The following POMZP3 variants were observed in gnomAD, a reference collection of about 807,000 sequenced individuals.
POMZP3 encodes the protein POM121 and ZP3 fusion, also known as POM121 and ZP3 fusion protein.
A neutral mutation model predicts 19.8 loss-of-function variants in POMZP3; 10 were observed. The ratio of observed to expected loss-of-function variants is 0.51; its 90% CI spans 0.31 to 0.86. The LOEUF (loss-of-function observed/expected upper bound fraction) is 0.86, where lower values mean the gene tolerates loss of function less well. Among genes scored for constraint, POMZP3 ranks in the 40% least tolerant of loss-of-function variants. POMZP3 has a pLI of 0.04. For synonymous variants in POMZP3, 57 were observed against 85.8 expected (o/e 0.66, Z 1.85); for missense variants, 152 against 228.1 (o/e 0.67, Z 2.15).
rs770004434 is a variant in POMZP3 at position 76,625,670 on chromosome 7, T to G, written c.79A>C (p.Ile27Leu). Residue 27 changes from isoleucine (I) to leucine (L), a missense_variant, in exon 3 of 7, where the codon ATC becomes CTC. Coordinates refer to ENST00000310842, the MANE Select transcript of POMZP3 (RefSeq NM_012230.5). The part of the protein sequence containing the change: ...FSRSAIPEQI[I>L]SSTLSSPSSN... ...GATGGTGAGGACAGTGTTGAGCTGA[T>G]TATCTGCTCTGGTCTATAATGAAAG... The G allele has an allele frequency of 3.0e-5, 48 of 1,613,766 alleles. No individual in the cohort carries two copies. The highest frequency in any genetic ancestry group is 3.7e-5 in the Non-Finnish European group (44 of 1,179,850).
At chr7:76,624,383 ACTT>A (rs1054086710) in intron 3 of POMZP3, among the ~76,000 whole-genome samples, 4 of 151,834 alleles carry the variant, frequency 2.6e-5, no homozygotes, top group African/African-American at 7.3e-5. Context: ...ACCCACTTCA[ACTT>A]CTTTTCTTTC....
intron 1 of POMZP3, 43 bp from the exon 2 acceptor site, chr7:76,626,258 G>A: frequency 1.3e-5 from 20 of 1,493,780 alleles, no homozygotes; most frequent in Non-Finnish European, 1.7e-5. Flanking sequence ...AAGTATAAAA[G>A]AATGTCAAAA....
rs1343729425 is a variant in POMZP3 at position 76,627,203 on chromosome 7, A to G, written c.-647T>C. ...GCCCCGGCCGGCCCTGACACTCGCT[A>G]TCGGCCGCCGCCGCTCGCCTGCTCC... On this transcript the variant is annotated 5_prime_UTR_variant, in exon 1 of 7. Transcript: ENST00000310842. The G allele has an allele frequency of 2.2e-5, 31 of 1,435,056 alleles. 4 individuals are homozygous for G. The highest frequency in any genetic ancestry group is 4.8e-4 in the Middle Eastern group (2 of 4,140). 88.9% of individuals were successfully genotyped at this position (1,435,056 alleles called of 1,614,324 possible). A position where few individuals can be genotyped will look rare whatever the true frequency, so the allele number is the denominator to read the frequency against.
At position 76,620,743 on chromosome 7, in the gene POMZP3, C is replaced by T. The variant is rs528208793; in HGVS notation, c.228-2443G>A. 3.3e-5 allele frequency among the ~76,000 whole-genome samples: 5 copies of T among 152,008 alleles called. No individual in the cohort carries two copies. The East Asian group carries it at 5.8e-4, about 18-fold the overall frequency. ...TCAGCCTCCCAAAGTGCAGGGATTA[C>T]AGGCGTGAGTCACCTGCCCAGATGG... On this transcript the variant is annotated intron_variant, in intron 3 of 6. Transcript: ENST00000310842.
Position 76,627,012 on chromosome 7 carries a change from C to T in POMZP3, c.-456G>A. 7.4e-7 allele frequency: 1 copy of T among 1,347,902 alleles called. No individual in the cohort carries two copies. The highest frequency in any genetic ancestry group is 9.7e-7 in the Non-Finnish European group (1 of 1,027,484). The allele number at this position is 1,347,902 out of a possible 1,614,324, so 83.5% of individuals were successfully genotyped here. A position where few individuals can be genotyped will look rare whatever the true frequency, so the allele number is the denominator to read the frequency against. ...CCGGAGGCGAAGCGAACAGTGTTCG[C>T]CGATGTCGCGCCTTCTGAACGAAGG... On this transcript the variant is annotated 5_prime_UTR_variant, in exon 1 of 7. Transcript: ENST00000310842.
At chr7:76,618,873 G>A (rs28656918) in intron 3 of POMZP3, among the ~76,000 whole-genome samples, 14,145 of 151,616 alleles carry the variant, frequency 0.093, 742 homozygotes, top group Middle Eastern at 0.18. Context: ...CTGCAGCCTC[G>A]ACCTCCTGGG....
chr7:76,620,473 T>G (rs2116868583), intron 3 of POMZP3, among the ~76,000 whole-genome samples: 1 of 150,622 alleles, frequency 6.6e-6, no homozygotes, highest in Middle Eastern at 3.4e-3. Flanking sequence ...GGTGAGCCTT[T>G]TCTTTTGTTT....
chr7:76,623,914 G>A lies in POMZP3; in HGVS notation c.227+1608C>T, dbSNP rs1315562550. On this transcript the variant is annotated intron_variant, in intron 3 of 6. Coordinates refer to ENST00000310842, the MANE Select transcript of POMZP3 (RefSeq NM_012230.5). Reference sequence around the variant, plus strand: ...AATAAGAGCAATTTTGTTTAAGTTGGGGGTTATTTAAAGATTGTTTCAAAA... The same window carrying A: ...AATAAGAGCAATTTTGTTTAAGTTGAGGGTTATTTAAAGATTGTTTCAAAA... Among the ~76,000 whole-genome samples, 17 of 149,138 alleles carry A rather than the reference G, an allele frequency of 1.1e-4. No individual in the cohort carries two copies. The Admixed American group carries it at 1.1e-3, about 10-fold the overall frequency.
Position 76,611,707 on chromosome 7 carries a change from A to C in POMZP3, c.437+15T>G. ...GATTCAGTTTCTACTCCAGTCACGGAGCACCTGTCCTCACCTGTTGGAAGG... is the reference window on the plus strand; with the variant it reads ...GATTCAGTTTCTACTCCAGTCACGGCGCACCTGTCCTCACCTGTTGGAAGG... On this transcript the variant is annotated intron_variant, in intron 5 of 6. Coordinates refer to ENST00000310842, the MANE Select transcript of POMZP3 (RefSeq NM_012230.5). 1 of 1,457,130 alleles carries C rather than the reference A, an allele frequency of 6.9e-7. No individual in the cohort carries two copies. 90.3% of individuals were successfully genotyped at this position (1,457,130 alleles called of 1,614,324 possible). A position where few individuals can be genotyped will look rare whatever the true frequency, so the allele number is the denominator to read the frequency against.
At chr7:76,616,249 T>C (rs1815282584) in intron 4 of POMZP3, among the ~76,000 whole-genome samples, 1 of 126,854 alleles carries the variant, frequency 7.9e-6, no homozygotes, top group African/African-American at 3.2e-5. Context: ...CACCATTGCA[T>C]TCCAGCTTGG....
intron 4 of POMZP3, among the ~76,000 whole-genome samples, chr7:76,613,481 T>G: frequency 9.1e-6 from 1 of 110,372 alleles, no homozygotes; most frequent in African/African-American, 3.0e-5. Flanking sequence ...AATAGTCAAC[T>G]ACCCTGTAAG....
At position 76,621,736 on chromosome 7, in the gene POMZP3, C is replaced by T. The variant is rs573697386; in HGVS notation, c.228-3436G>A. Among the ~76,000 whole-genome samples the T allele has an allele frequency of 9.9e-5, 15 of 151,580 alleles. No homozygotes were observed. In the East Asian group the frequency reaches 2.9e-3, roughly 30 times the overall value. The stretch of plus-strand genomic sequence containing the variant: ...CGGGCGGATCACGAGGTCAGGAGAT[C>T]GAGACCATCCTGGCTAACACGGTGA... On this transcript the variant is annotated intron_variant, in intron 3 of 6. Coordinates refer to ENST00000310842, the MANE Select transcript of POMZP3 (RefSeq NM_012230.5).
At chr7:76,616,503 A>G (rs1171146234) in intron 4 of POMZP3, among the ~76,000 whole-genome samples, 1 of 100,954 alleles carries the variant, frequency 9.9e-6, no homozygotes, top group East Asian at 2.5e-4. Context: ...TACTTTAATC[A>G]CTTCCTAACC....
chr7:76,621,077 G>A (rs2116870979), intron 3 of POMZP3: 1 of 148,972 alleles, frequency 6.7e-6, no homozygotes, highest in Non-Finnish European at 1.5e-5. Context: ...GTTTCACCAT[G>A]TTGGCTGCAA....
At chr7:76,618,983 T>TCA (rs1244921616) in intron 3 of POMZP3, among the ~76,000 whole-genome samples, 1 of 152,102 alleles carries the variant, frequency 6.6e-6, no homozygotes, top group African/African-American at 2.4e-5. Flanking sequence ...AGATAGGGTC[T>TCA]CACCATATTG....
chr7:76,620,120 C>A (rs1815470776), intron 3 of POMZP3, among the ~76,000 whole-genome samples: 1 of 72,516 alleles, frequency 1.4e-5, no homozygotes. Context: ...CAAGACCATC[C>A]TGGCTAACAT....
intron 4 of POMZP3, among the ~76,000 whole-genome samples, chr7:76,616,156 C>T (rs1474472943): frequency 2.9e-5 from 4 of 135,912 alleles, no homozygotes; most frequent in African/African-American, 8.3e-5. Context: ...TGGTGGCAGG[C>T]GCCTGCAATC....
At chr7:76,625,443 A>G in intron 3 of POMZP3, 79 bp downstream of exon 3, 1 of 1,598,820 alleles carries the variant, frequency 6.3e-7, no homozygotes, top group East Asian at 2.2e-5. Flanking sequence ...TGGCCTCTGT[A>G]TCTTTACGGG....
intron 6 of POMZP3, among the ~76,000 whole-genome samples, 154 bp from the exon 7 acceptor site, chr7:76,610,369 G>A (rs914943672): frequency 1.6e-4 from 25 of 152,056 alleles, no homozygotes; most frequent in East Asian, 1.9e-4. Context: ...CAGCTTTCTC[G>A]GCCAGGTGTG....
Sources: gnomAD v4.1 joint callset for allele counts (sites outside exome capture counted in the v4.1 genomes callset) on GRCh38, gnomAD v4.1.1 for gene constraint, MANE v1.5 for transcripts, NCBI Gene and HGNC (gene_info 2026-07-23, HGNC 2026-07-21) for gene names.